Variants in NEURL1 observed in about 807,000 individuals in gnomAD.
NEURL1 encodes the protein E3 ubiquitin-protein ligase NEURL1.
Under a neutral mutation model 41.2 loss-of-function variants are expected in NEURL1, and 26 were observed. The ratio of observed to expected loss-of-function variants is 0.63; its 90% CI spans 0.46 to 0.87. NEURL1 has a LOEUF of 0.87. Ranked by LOEUF, NEURL1 falls within the 40% of genes least tolerant of loss-of-function variation. The pLI is 0.00. For synonymous variants in NEURL1, 400 were observed against 402.3 expected (o/e 0.99, Z 0.07); for missense variants, 761 against 871.1 (o/e 0.87, Z 1.59).
At chr10:103,590,058 C>CA in intron 5 of NEURL1, 76 bp from the exon 6 acceptor site, 2 of 1,396,434 alleles carry the variant, frequency 1.4e-6, no homozygotes, top group Non-Finnish European at 2.0e-6. Context: ...CACAAGAGGC[C>CA]GGGGAGCTCT....
At chr10:103,552,501 C>T (rs2035051327) in intron 1 of NEURL1, among the ~76,000 whole-genome samples, 1 of 152,222 alleles carries the variant, frequency 6.6e-6, no homozygotes, top group Admixed American at 6.5e-5. Context: ...CATTAGCCTT[C>T]AGATCTTGCC....
At chr10:103,542,706 G>A (rs78192262) in intron 1 of NEURL1, among the ~76,000 whole-genome samples, 4,876 of 152,272 alleles carry the variant, frequency 0.032, 255 homozygotes, top group African/African-American at 0.11. Context: ...GCTTAGACAA[G>A]TCACTTACCC....
At chr10:103,585,659 C>T (rs2035906026) in intron 4 of NEURL1, among the ~76,000 whole-genome samples, 1 of 151,974 alleles carries the variant, frequency 6.6e-6, no homozygotes, top group African/African-American at 2.4e-5. Flanking sequence ...ACGGTGAAAC[C>T]CCGTCTCTAC....
At chr10:103,585,944 A>G (rs903003374) in intron 4 of NEURL1, among the ~76,000 whole-genome samples, 7 of 152,166 alleles carry the variant, frequency 4.6e-5, no homozygotes, top group Non-Finnish European at 2.9e-5. Context: ...TTGTGAGTCC[A>G]AATGAGAAAA....
intron 1 of NEURL1, among the ~76,000 whole-genome samples, chr10:103,567,913 G>A (rs1377424206): frequency 1.3e-5 from 2 of 152,306 alleles, no homozygotes; most frequent in East Asian, 3.9e-4. Flanking sequence ...GCAAATGACT[G>A]CCACTATTAT....
chr10:103,510,458 G>T (rs1252713186), intron 1 of NEURL1, among the ~76,000 whole-genome samples: 1 of 152,204 alleles, frequency 6.6e-6, no homozygotes, highest in East Asian at 1.9e-4. Flanking sequence ...CACACATCGA[G>T]TGGGACATGT....
intron 1 of NEURL1, among the ~76,000 whole-genome samples, chr10:103,546,321 G>A (rs1017772274): frequency 6.6e-6 from 1 of 152,212 alleles, no homozygotes; most frequent in Non-Finnish European, 1.5e-5. Flanking sequence ...TTCTGGCCCA[G>A]CTCTGGCACT....
chr10:103,510,177 CTGTT>C lies in NEURL1; in HGVS notation c.85+15709_85+15712del, dbSNP rs563990603. Among the ~76,000 whole-genome samples the C allele has an allele frequency of 1.8e-4, 28 of 152,236 alleles. 1 individual carries two copies. In the South Asian group the frequency reaches 5.4e-3, roughly 29 times the overall value. ...CTCCAGCCCTGGCCTTGGTGTAAGA[CTGTT>C]TGTGGGTAAGTCACTTATAAGCTCT... is the stretch of plus-strand genomic sequence containing the variant. On this transcript the variant is annotated intron_variant, in intron 1 of 5. Transcript: ENST00000369780.
chr10:103,564,435 G>T lies in NEURL1; in HGVS notation c.86-6437G>T, dbSNP rs1345494509. 2.0e-5 allele frequency among the ~76,000 whole-genome samples: 3 copies of T among 151,892 alleles called. No homozygotes were observed. In the South Asian group the frequency reaches 6.3e-4, roughly 32 times the overall value. On this transcript the variant is annotated intron_variant, in intron 1 of 5. Transcript: ENST00000369780. ...TGTAGAGCAGTTGTGCAGCCCACAC[G>T]CCCCCCCCATTTTGAGGCACTTTGC...
At chr10:103,557,818 G>A (rs2035189765) in intron 1 of NEURL1, among the ~76,000 whole-genome samples, 1 of 152,214 alleles carries the variant, frequency 6.6e-6, no homozygotes, top group African/African-American at 2.4e-5. Flanking sequence ...TAGGGGTGCC[G>A]TAGCCTGTAG....
intron 1 of NEURL1, among the ~76,000 whole-genome samples, chr10:103,552,759 G>T (rs1048892832): frequency 1.3e-5 from 2 of 152,172 alleles, no homozygotes; most frequent in Admixed American, 6.5e-5. Flanking sequence ...AATGGTTGAG[G>T]TGCACCCAGG....
intron 1 of NEURL1, among the ~76,000 whole-genome samples, chr10:103,534,712 C>G (rs2034654106): frequency 1.3e-5 from 2 of 152,174 alleles, no homozygotes; most frequent in Admixed American, 1.3e-4. Context: ...GGCCTACAAG[C>G]AGCTGCAGCA....
At chr10:103,573,389 G>A (rs1328185384) in intron 3 of NEURL1, among the ~76,000 whole-genome samples, 1 of 152,058 alleles carries the variant, frequency 6.6e-6, no homozygotes, top group Non-Finnish European at 1.5e-5. Context: ...CTAGTTGTGG[G>A]GCCTCAGTTT....
At chr10:103,494,537 T>G in intron 1 of NEURL1, 65 bp downstream of exon 1, 1 of 1,394,522 alleles carries the variant, frequency 7.2e-7, no homozygotes, top group Admixed American at 2.5e-5. Context: ...GGAGGTGTGG[T>G]TGGGGAGGGC....
chr10:103,586,756 G>T (rs116574408), intron 4 of NEURL1, among the ~76,000 whole-genome samples: 3,370 of 152,226 alleles, frequency 0.022, 125 homozygotes, highest in African/African-American at 0.077. Flanking sequence ...TAAATAAAAA[G>T]GAAATGAAAA....
chr10:103,566,444 C>T lies in NEURL1; in HGVS notation c.86-4428C>T, dbSNP rs1005177771. On this transcript the variant is annotated intron_variant, in intron 1 of 5. Transcript: ENST00000369780. The surrounding 1 kb of genome is among the most constrained non-coding windows in gnomAD (Gnocchi z 4.2). ...GTTTTGCCTTTTCCAAAATATCATA[C>T]GGATGGAATCGTACAGCATACAGCC... Among the ~76,000 whole-genome samples, 2 of 152,140 alleles carry T rather than the reference C, an allele frequency of 1.3e-5. No individual in the cohort carries two copies. The highest frequency in any genetic ancestry group is 2.4e-5 in the African/African-American group (1 of 41,424).
chr10:103,555,278 C>T (rs1373482003), intron 1 of NEURL1: 15 of 1,125,452 alleles, frequency 1.3e-5, no homozygotes, highest in Admixed American at 3.4e-5. Context: ...TCTCCGCCCG[C>T]GGGGGAGGAG....
In NEURL1 at chr10:103,562,408, A is replaced by C. The variant is rs1452413190; in HGVS notation, c.86-8464A>C. 3.9e-5 allele frequency among the ~76,000 whole-genome samples: 6 copies of C among 152,278 alleles called. No homozygotes were observed. The East Asian group carries it at 1.2e-3, about 29-fold the overall frequency. Reference sequence around the variant, plus strand: ...AAAGCAAACAAACAAACAAAAAAAGAAAGTGGTCTCTGCCCTAGGGAGGCT... The same window carrying C: ...AAAGCAAACAAACAAACAAAAAAAGCAAGTGGTCTCTGCCCTAGGGAGGCT... On this transcript the variant is annotated intron_variant, in intron 1 of 5. Coordinates refer to ENST00000369780, the MANE Select transcript of NEURL1 (RefSeq NM_004210.5).
Position 103,584,683 on chromosome 10 carries a change from C to A in NEURL1, c.797C>A (p.Ala266Glu). 7.0e-7 allele frequency: 1 copy of A among 1,430,362 alleles called. No homozygotes were observed. The highest frequency in any genetic ancestry group is 9.1e-7 in the Non-Finnish European group (1 of 1,098,038). The allele number at this position is 1,430,362 out of a possible 1,614,324, so 88.6% of individuals were successfully genotyped here. Reference sequence around the variant, plus strand: ...CCGGGCGCGGACGGCGACGAGGCCGCGCCGGCCGCCGGCTGCCCCATCCCG... The same window carrying A: ...CCGGGCGCGGACGGCGACGAGGCCGAGCCGGCCGCCGGCTGCCCCATCCCG... ...NVPGADGDEA[A>E]PAAGCPIPQN... is the part of the protein sequence containing the mutation. The change falls in exon 4 of 6, where the codon GCG (alanine) becomes GAG (glutamate). Residue 266 changes from alanine (A) to glutamate (E), a missense_variant. Transcript: ENST00000369780.
Sources: gnomAD v4.1 joint callset for allele counts (sites outside exome capture counted in the v4.1 genomes callset) on GRCh38, gnomAD v4.1.1 for gene constraint, Gnocchi (gnomAD v3.1) non-coding constraint, MANE v1.5 for transcripts, NCBI Gene and HGNC (gene_info 2026-07-23, HGNC 2026-07-21) for gene names.